The following KATNIP variants were observed in gnomAD, a reference collection of about 807,000 sequenced individuals.
The protein encoded by KATNIP is katanin interacting protein, also known as katanin-interacting protein.
KATNIP carries 126 observed loss-of-function variants against 174.0 expected under a neutral mutation model. The observed-to-expected ratio is 0.72, with a 90% confidence interval of 0.63 to 0.84. The LOEUF (loss-of-function observed/expected upper bound fraction) is 0.84. KATNIP is among the 40% of genes least tolerant of loss of function. The pLI is 0.00. For synonymous variants in KATNIP, 810 were observed against 835.7 expected, an observed-to-expected ratio of 0.97 and a Z score of 0.53; for missense variants, 1,958 against 2,109.7, an observed-to-expected ratio of 0.93 and a Z score of 1.41.
chr16:27,759,644 G>A (rs773675856), intron 18 of KATNIP, among the ~76,000 whole-genome samples: 1 of 152,202 alleles, frequency 6.6e-6, no homozygotes, highest in Non-Finnish European at 1.5e-5. Flanking sequence ...GCAGTGGGGA[G>A]GCTGCTGGCC....
At chr16:27,778,386 G>C (rs1396160932) in intron 27 of KATNIP, among the ~76,000 whole-genome samples, 188 bp from the exon 28 acceptor site, 1 of 152,222 alleles carries the variant, frequency 6.6e-6, no homozygotes, top group Admixed American at 6.5e-5. Flanking sequence ...AAGGCTGAGA[G>C]GGGTGTTGTG....
At position 27,740,669 on chromosome 16, in the gene KATNIP, AC is replaced by A. The variant is rs748450705; in HGVS notation, c.2373del (p.Asp791GlufsTer206). 1.2e-4 allele frequency: 190 copies of A among 1,614,032 alleles called. No individual in the cohort carries two copies. The highest frequency in any genetic ancestry group is 1.5e-4 in the Non-Finnish European group (180 of 1,180,042). ...GCCTGGAAGGGCAGGCTCCCATCAG[AC>A]GATGTCATCGGTGAGGGTCCTGGAG... ...PLAWKGRLPS[D>X]DVIGEGPGET... On this transcript the variant is annotated frameshift_variant, in exon 15 of 28. Coordinates refer to ENST00000261588, the MANE Select transcript of KATNIP (RefSeq NM_015202.5). LOFTEE classifies it high-confidence loss of function.
At position 27,740,377 on chromosome 16, in the gene KATNIP, C is replaced by T; in HGVS notation, c.2080C>T (p.Gln694Ter). 1 of 1,614,192 alleles carries T rather than the reference C, an allele frequency of 6.2e-7. No individual in the cohort carries two copies. The highest frequency in any genetic ancestry group is 8.5e-7 in the Non-Finnish European group (1 of 1,180,048). The part of the protein sequence containing the change: ...STNCRKDSLS[Q>*]LEEYLRLSAV... ...TAATTGCAGGAAAGACAGTTTGTCC[C>T]AGTTAGAGGAATATTTGAGACTGTC... The change falls in exon 15 of 28, where the codon CAG (glutamine) becomes TAG (stop). Residue 694 changes from glutamine to a stop codon, truncating the protein, a stop_gained. Coordinates refer to ENST00000261588, the MANE Select transcript of KATNIP (RefSeq NM_015202.5). LOFTEE classifies it high-confidence loss of function.
At chr16:27,619,503 G>A (rs990023280) in intron 3 of KATNIP, among the ~76,000 whole-genome samples, 5 of 152,168 alleles carry the variant, frequency 3.3e-5, no homozygotes. Context: ...AGATAACAGA[G>A]TCTGGGGTAG....
intron 10 of KATNIP, 169 bp from the exon 11 acceptor site, chr16:27,701,420 G>A: frequency 1.7e-6 from 1 of 572,670 alleles, no homozygotes; most frequent in Non-Finnish European, 3.2e-6. Flanking sequence ...TGGTGTGAGG[G>A]GTTCTAGATA....
chr16:27,701,911 G>A (rs148335953), intron 11 of KATNIP, among the ~76,000 whole-genome samples: 236 of 152,278 alleles, frequency 1.5e-3, no homozygotes, highest in African/African-American at 4.9e-3. Flanking sequence ...TCCAGCCTCA[G>A]CCTCCTGAGT....
chr16:27,691,780 C>G (rs1025727191), intron 8 of KATNIP, among the ~76,000 whole-genome samples: 1 of 152,216 alleles, frequency 6.6e-6, no homozygotes. Flanking sequence ...GATCATGTTG[C>G]TGGAGGAGCA....
chr16:27,625,746 A>G (rs2076313316), intron 3 of KATNIP, among the ~76,000 whole-genome samples: 1 of 152,240 alleles, frequency 6.6e-6, no homozygotes, highest in Admixed American at 6.5e-5. Context: ...ATTTCATGTT[A>G]CATTTATCAC....
chr16:27,742,048 A>G (rs75105739), intron 15 of KATNIP, among the ~76,000 whole-genome samples: 3 of 151,594 alleles, frequency 2.0e-5, no homozygotes, highest in East Asian at 3.9e-4. Context: ...AAAAAAAAAA[A>G]GGCACATCTG....
At chr16:27,753,773 C>T (rs1315074776) in intron 17 of KATNIP, among the ~76,000 whole-genome samples, 1 of 147,952 alleles carries the variant, frequency 6.8e-6, no homozygotes, top group Non-Finnish European at 1.5e-5. Context: ...CTCCTTCCCT[C>T]CTTCCTTTCC....
intron 1 of KATNIP, among the ~76,000 whole-genome samples, chr16:27,559,696 AT>A: frequency 6.8e-6 from 1 of 146,118 alleles, no homozygotes; most frequent in Admixed American, 6.9e-5. Flanking sequence ...AAAAAAAAAA[AT>A]AGTAAGGTCA....
At chr16:27,574,221 C>T in intron 2 of KATNIP, 1 of 465,534 alleles carries the variant, frequency 2.1e-6, no homozygotes, top group East Asian at 4.0e-5. Context: ...ATTTTAGTGG[C>T]TTAAAACAAC....
At chr16:27,701,773 C>T (rs2079108111) in intron 11 of KATNIP, 78 bp downstream of exon 11, 1 of 1,010,238 alleles carries the variant, frequency 9.9e-7, no homozygotes, top group East Asian at 2.6e-5. Context: ...GGGTTCTTTG[C>T]TTTTCCTACG....
chr16:27,583,863 ACT>A (rs2090787271), intron 2 of KATNIP, among the ~76,000 whole-genome samples: 1 of 151,978 alleles, frequency 6.6e-6, no homozygotes, highest in African/African-American at 2.4e-5. Flanking sequence ...GTCCCTCTTG[ACT>A]CTGCCTTCTT....
At chr16:27,574,976 C>A (rs74016094) in intron 2 of KATNIP, among the ~76,000 whole-genome samples, 1 of 152,158 alleles carries the variant, frequency 6.6e-6, no homozygotes, top group Non-Finnish European at 1.5e-5. Context: ...TACCTTCCCC[C>A]CTCCCCGCCT....
At chr16:27,748,309 G>A (rs922834989) in intron 15 of KATNIP, among the ~76,000 whole-genome samples, 95 of 152,174 alleles carry the variant, frequency 6.2e-4, no homozygotes, top group African/African-American at 2.2e-3. Context: ...GGCTGGGCGC[G>A]GTGGCTTACG....
chr16:27,701,613 A>G lies in KATNIP; in HGVS notation c.1204A>G (p.Thr402Ala). 6.2e-7 allele frequency: 1 copy of G among 1,602,624 alleles called. No individual in the cohort carries two copies. The highest frequency in any genetic ancestry group is 8.5e-7 in the Non-Finnish European group (1 of 1,175,122). ...LELLPITTATTTQEPAGAAGG... is the reference protein window; with the variant it reads ...LELLPITTATATQEPAGAAGG... ...GCTGCTTCCCATCACCACGGCGACT[A>G]CTACTCAGGAGCCGGCCGGGGCAGC... The change falls in exon 11 of 28, where the codon ACT becomes GCT. Residue 402 changes from threonine (T) to alanine (A), a missense_variant. Around this residue, in one of 3 missense-constraint regions of KATNIP, gnomAD observed 1,557 missense variants for 1,617.8 expected, o/e 0.96. Coordinates refer to ENST00000261588, the MANE Select transcript of KATNIP (RefSeq NM_015202.5).
chr16:27,552,215 T>C (rs1457197856), intron 1 of KATNIP, among the ~76,000 whole-genome samples: 1 of 152,164 alleles, frequency 6.6e-6, no homozygotes, highest in Admixed American at 6.5e-5. Flanking sequence ...GGATTCAAAC[T>C]GTTTTTTGTT....
intron 1 of KATNIP, among the ~76,000 whole-genome samples, chr16:27,553,890 G>T (rs987802189): frequency 1.3e-5 from 2 of 151,446 alleles, no homozygotes; most frequent in African/African-American, 4.9e-5. Flanking sequence ...GGAGGTTGAG[G>T]CTACAGTGAG....
Sources: allele counts gnomAD v4.1 joint callset (sites outside exome capture counted in the v4.1 genomes callset), GRCh38; gene constraint gnomAD v4.1.1; regional missense constraint gnomAD v4.1.1; transcripts MANE v1.5; gene names NCBI Gene and HGNC (gene_info 2026-07-23, HGNC 2026-07-21).